Variants in NCAM2 observed in about 807,000 individuals in gnomAD.
NCAM2 encodes N-CAM-2.
A neutral mutation model predicts 98.1 loss-of-function variants in NCAM2; 30 were observed. That is an observed-to-expected ratio of 0.31 (90% CI 0.23 to 0.41). The LOEUF (loss-of-function observed/expected upper bound fraction) is 0.41, where lower values mean the gene tolerates loss of function less well. Ranked by LOEUF, NCAM2 falls within the 10% of genes least tolerant of loss-of-function variation. NCAM2 has a pLI of 1.00. For synonymous variants in NCAM2, 368 were observed against 342.4 expected, an observed-to-expected ratio of 1.07 and a Z score of -0.83; for missense variants, 867 against 1,005.8, an observed-to-expected ratio of 0.86 and a Z score of 1.87.
chr21:21,316,122 G>A (rs1262817935), intron 5 of NCAM2, among the ~76,000 whole-genome samples: 1 of 152,060 alleles, frequency 6.6e-6, no homozygotes, highest in African/African-American at 2.4e-5. Flanking sequence ...TGAAAGCTGT[G>A]TATTTAAAGC....
At chr21:21,123,354 G>A (rs1476473131) in intron 1 of NCAM2, among the ~76,000 whole-genome samples, 1 of 151,394 alleles carries the variant, frequency 6.6e-6, no homozygotes, top group African/African-American at 2.4e-5. Context: ...TCAAGATCGC[G>A]CCACTGCACT....
At chr21:21,176,253 A>G (rs1016398239) in intron 1 of NCAM2, among the ~76,000 whole-genome samples, 5 of 152,272 alleles carry the variant, frequency 3.3e-5, no homozygotes, top group African/African-American at 1.2e-4. Flanking sequence ...TCAATCATAC[A>G]TTATAAGCCT....
intron 1 of NCAM2, among the ~76,000 whole-genome samples, chr21:21,112,179 G>A (rs2066466684): frequency 6.6e-6 from 1 of 152,074 alleles, no homozygotes; most frequent in East Asian, 1.9e-4. Flanking sequence ...TTTTAAAACG[G>A]CATAATATTC....
chr21:21,031,809 TACAC>T (rs67929765), intron 1 of NCAM2, among the ~76,000 whole-genome samples: 8,506 of 151,148 alleles, frequency 0.056, 247 homozygotes, highest in East Asian at 0.11. Flanking sequence ...CACACTCTTA[TACAC>T]ACACACACAC....
chr21:21,370,582 G>A (rs561318810), intron 8 of NCAM2, among the ~76,000 whole-genome samples: 44 of 151,602 alleles, frequency 2.9e-4, no homozygotes, highest in South Asian at 1.0e-3. Flanking sequence ...CCAGAACCCA[G>A]CAAAGTGTCT....
intron 16 of NCAM2, among the ~76,000 whole-genome samples, chr21:21,512,693 GACA>G (rs1438381469): frequency 2.0e-5 from 3 of 151,816 alleles, no homozygotes; most frequent in Non-Finnish European, 2.9e-5. Context: ...TGGACATTTT[GACA>G]ACATTTATTG....
chr21:21,160,966 A>G (rs1355904416), intron 1 of NCAM2, among the ~76,000 whole-genome samples: 2 of 152,042 alleles, frequency 1.3e-5, no homozygotes, highest in African/African-American at 4.8e-5. Context: ...ATTGAGTTCA[A>G]ATATTTCAGT....
chr21:21,294,842 T>C (rs1007231177), intron 5 of NCAM2, among the ~76,000 whole-genome samples: 5 of 151,626 alleles, frequency 3.3e-5, no homozygotes, highest in African/African-American at 9.7e-5. Context: ...TCCCTTATTA[T>C]GCCTCTTTTA....
At position 21,509,046 on chromosome 21, in the gene NCAM2, C is replaced by G; in HGVS notation, c.2273C>G (p.Ala758Gly). 1 of 1,613,384 alleles carries G rather than the reference C, an allele frequency of 6.2e-7. No individual in the cohort carries two copies. Among genetic ancestry groups the G allele is most frequent in the Non-Finnish European group, 8.5e-7 (1 of 1,179,692 alleles). ...AGTAAAGAACTCGAAGAAGGAAAAG[C>G]TGCATACCTGTGAGTATCAGGCATC... ...GKSKELEEGK[A>G]AYLKDGSKEP... is the part of the protein sequence containing the mutation. Residue 758 changes from alanine to glycine, a missense_variant, in exon 16 of 18, where the codon GCT (alanine) becomes GGT (glycine). Ala to Gly is a moderately conservative substitution (Grantham distance 60, BLOSUM62 0). This residue lies in a region of NCAM2 where 125 missense variants were observed against 116.1 expected (regional missense o/e 1.08). Coordinates refer to ENST00000400546, the MANE Select transcript of NCAM2 (RefSeq NM_004540.5).
intron 9 of NCAM2, among the ~76,000 whole-genome samples, chr21:21,393,144 A>T (rs1017180172): frequency 1.3e-5 from 2 of 152,180 alleles, no homozygotes; most frequent in Non-Finnish European, 2.9e-5. Flanking sequence ...GAAGGGGTCC[A>T]CTTTCAGTCT....
In NCAM2 at chr21:21,120,459, A is replaced by G. The variant is rs748625234; in HGVS notation, c.55+121841A>G. On this transcript the variant is annotated intron_variant, in intron 1 of 17. Transcript: ENST00000400546. ...GGTGAGTTAGTGTATGTATGTGTCTATCTTTGTGTTTCTTCCTGAGGACGA... is the reference window on the plus strand; with the variant it reads ...GGTGAGTTAGTGTATGTATGTGTCTGTCTTTGTGTTTCTTCCTGAGGACGA... Among the ~76,000 whole-genome samples the G allele has an allele frequency of 3.9e-5, 6 of 152,184 alleles. No individual in the cohort carries two copies. The South Asian group carries it at 8.3e-4, about 21-fold the overall frequency.
intron 1 of NCAM2, among the ~76,000 whole-genome samples, chr21:21,086,177 AG>A: frequency 6.6e-6 from 1 of 152,322 alleles, no homozygotes; most frequent in East Asian, 1.9e-4. Flanking sequence ...AGAGATAAAA[AG>A]TGAGGGAAAT....
At chr21:21,249,368 T>C (rs2071396548) in intron 1 of NCAM2, among the ~76,000 whole-genome samples, 1 of 152,170 alleles carries the variant, frequency 6.6e-6, no homozygotes, top group Non-Finnish European at 1.5e-5. Context: ...TACATAGAAC[T>C]GTGGTTCATA....
chr21:21,117,006 A>T (rs900825855), intron 1 of NCAM2, among the ~76,000 whole-genome samples: 1 of 152,224 alleles, frequency 6.6e-6, no homozygotes, highest in African/African-American at 2.4e-5. Flanking sequence ...TTTAAATTTT[A>T]AAATATTTAT....
intron 1 of NCAM2, among the ~76,000 whole-genome samples, chr21:21,082,281 C>CAAAAAA (rs11384165): frequency 6.3e-5 from 8 of 127,718 alleles, no homozygotes; most frequent in South Asian, 2.5e-4. Flanking sequence ...GAGCTCAAAA[C>CAAAAAA]AAAAAAAAAA....
At chr21:21,315,535 T>C (rs2074195226) in intron 5 of NCAM2, among the ~76,000 whole-genome samples, 1 of 152,188 alleles carries the variant, frequency 6.6e-6, no homozygotes, top group African/African-American at 2.4e-5. Context: ...GACTACAGTT[T>C]ATCTGATTGA....
intron 5 of NCAM2, among the ~76,000 whole-genome samples, chr21:21,304,420 A>G (rs544057105): frequency 9.1e-4 from 139 of 152,062 alleles, no homozygotes; most frequent in South Asian, 6.6e-3. Context: ...TATTTAAAAT[A>G]TATTTTAATA....
intron 1 of NCAM2, among the ~76,000 whole-genome samples, chr21:21,165,806 C>A (rs1177437916): frequency 1.3e-5 from 2 of 152,094 alleles, no homozygotes; most frequent in African/African-American, 4.8e-5. Flanking sequence ...AATGAATTGG[C>A]CCTTGTACAT....
At chr21:21,309,415 C>T (rs1216920718) in intron 5 of NCAM2, among the ~76,000 whole-genome samples, 1 of 152,066 alleles carries the variant, frequency 6.6e-6, no homozygotes, top group Non-Finnish European at 1.5e-5. Flanking sequence ...CTTTCTTTGC[C>T]CCACCCATGA....
Sources: allele counts gnomAD v4.1 joint callset (sites outside exome capture counted in the v4.1 genomes callset), GRCh38; gene constraint gnomAD v4.1.1; regional missense constraint gnomAD v4.1.1; transcripts MANE v1.5; gene names NCBI Gene and HGNC (gene_info 2026-07-23, HGNC 2026-07-21).